CACNB2: variants seen among roughly 807,000 people sequenced by gnomAD.
The protein encoded by CACNB2 is voltage-dependent L-type calcium channel subunit beta-2.
Under a neutral mutation model 73.3 loss-of-function variants are expected in CACNB2, and 42 were observed. The observed-to-expected ratio is 0.57, with a 90% CI of 0.45 to 0.74. The LOEUF (loss-of-function observed/expected upper bound fraction) is 0.74, where lower values mean the gene tolerates loss of function less well. Ranked by LOEUF, CACNB2 falls within the 30% of genes least tolerant of loss-of-function variation. CACNB2 has a pLI of 0.00. For synonymous variants in CACNB2, 348 were observed against 310.3 expected, an observed-to-expected ratio of 1.12 and a Z score of -1.28; for missense variants, 940 against 853.0, an observed-to-expected ratio of 1.10 and a Z score of -1.27.
At chr10:18,271,453 TA>T (rs1234831936) in intron 2 of CACNB2, among the ~76,000 whole-genome samples, 4 of 152,098 alleles carry the variant, frequency 2.6e-5, no homozygotes, top group East Asian at 1.9e-4. Context: ...AAAACATATT[TA>T]AAAACAAAAA....
chr10:18,471,011 G>T (rs2048159945), intron 3 of CACNB2, among the ~76,000 whole-genome samples: 1 of 152,018 alleles, frequency 6.6e-6, no homozygotes, highest in Admixed American at 6.6e-5. Flanking sequence ...TCAAATGAAA[G>T]GTGTTACACA....
At chr10:18,397,202 C>T (rs535791279) in intron 2 of CACNB2, among the ~76,000 whole-genome samples, 3 of 152,166 alleles carry the variant, frequency 2.0e-5, no homozygotes, top group Admixed American at 6.5e-5. Context: ...TGTAGTGGCT[C>T]AAGCCAGTAA....
At chr10:18,353,444 G>A (rs759874210) in intron 2 of CACNB2, among the ~76,000 whole-genome samples, 5 of 151,922 alleles carry the variant, frequency 3.3e-5, no homozygotes, top group East Asian at 1.9e-4. Context: ...TATATGAAAC[G>A]TACGTTTGTA....
intron 6 of CACNB2, among the ~76,000 whole-genome samples, chr10:18,510,384 C>G (rs1277353079): frequency 6.6e-6 from 1 of 152,140 alleles, no homozygotes; most frequent in Non-Finnish European, 1.5e-5. Context: ...CTCACTGAAG[C>G]CTCCATCTCC....
At chr10:18,501,970 G>T (rs1032754945) in intron 5 of CACNB2, among the ~76,000 whole-genome samples, 1 of 152,126 alleles carries the variant, frequency 6.6e-6, no homozygotes, top group Non-Finnish European at 1.5e-5. Flanking sequence ...GCACTCAGAT[G>T]GTGAGATGCA....
At chr10:18,503,448 T>A (rs1589573323) in intron 5 of CACNB2, among the ~76,000 whole-genome samples, 1 of 152,100 alleles carries the variant, frequency 6.6e-6, no homozygotes, top group African/African-American at 2.4e-5. Flanking sequence ...AGTATGAAAC[T>A]AGCTGGGTGT....
At chr10:18,173,707 C>A (rs1178774826) in intron 2 of CACNB2, among the ~76,000 whole-genome samples, 1 of 152,160 alleles carries the variant, frequency 6.6e-6, no homozygotes, top group Non-Finnish European at 1.5e-5. Context: ...TCTACTTCTT[C>A]TAACCTTTTA....
intron 2 of CACNB2, among the ~76,000 whole-genome samples, chr10:18,252,874 G>A (rs529111249): frequency 1.3e-5 from 2 of 152,220 alleles, no homozygotes; most frequent in Non-Finnish European, 2.9e-5. Flanking sequence ...TAGGCAGGTA[G>A]GCAGATGATG....
chr10:18,415,491 A>G (rs1228964916), intron 3 of CACNB2, among the ~76,000 whole-genome samples: 2 of 150,610 alleles, frequency 1.3e-5, no homozygotes, highest in African/African-American at 2.4e-5. Flanking sequence ...CAAAGAAAAG[A>G]AAAAAAAAGC....
chr10:18,396,596 G>A (rs894852983), intron 2 of CACNB2, among the ~76,000 whole-genome samples: 2 of 152,004 alleles, frequency 1.3e-5, no homozygotes, highest in African/African-American at 4.8e-5. Context: ...TCAGCCTCCC[G>A]AGTAGCTGGG....
At position 18,336,484 on chromosome 10, in the gene CACNB2, T is replaced by C. The variant is rs192699202; in HGVS notation, c.214-65440T>C. On this transcript the variant is annotated intron_variant, in intron 2 of 13. Coordinates refer to ENST00000324631, the MANE Select transcript of CACNB2 (RefSeq NM_201596.3). ...AAGTACAAAAATTAGCCAGGTGTAA[T>C]GGCGAGTGCCTGTAATTCCAGCTAC... Among the ~76,000 whole-genome samples, 162 of 152,222 alleles carry C rather than the reference T, an allele frequency of 1.1e-3. 1 individual carries two copies. Among genetic ancestry groups the C allele is most frequent in the African/African-American group, 3.4e-3 (143 of 41,538 alleles).
intron 2 of CACNB2, among the ~76,000 whole-genome samples, chr10:18,199,167 A>C (rs2034760928): frequency 6.6e-6 from 1 of 152,184 alleles, no homozygotes; most frequent in African/African-American, 2.4e-5. Flanking sequence ...TTTGAAAATT[A>C]GTCTAAAGTA....
chr10:18,195,111 A>T (rs866589066), intron 2 of CACNB2, among the ~76,000 whole-genome samples: 1 of 152,212 alleles, frequency 6.6e-6, no homozygotes, highest in African/African-American at 2.4e-5. Context: ...GGAGAGTTTA[A>T]GATGACCTCA....
At chr10:18,502,265 G>C (rs1180649436) in intron 5 of CACNB2, among the ~76,000 whole-genome samples, 1 of 151,582 alleles carries the variant, frequency 6.6e-6, no homozygotes, top group Non-Finnish European at 1.5e-5. Context: ...CCAGATTCGT[G>C]CCACTGCATT....
At position 18,171,521 on chromosome 10, in the gene CACNB2, G is replaced by GAA. The variant is rs370201485; in HGVS notation, c.213+20573_213+20574dup. Among the ~76,000 whole-genome samples, 109 of 32,584 alleles carry GAA rather than the reference G, an allele frequency of 3.3e-3. 11 individuals are homozygous for GAA. Among genetic ancestry groups the GAA allele is most frequent in the African/African-American group, 9.0e-3 (88 of 9,810 alleles). The allele number at this position is 32,584 out of a possible 152,430, so 21.4% of individuals were successfully genotyped here. A position where few individuals can be genotyped will look rare whatever the true frequency, so the allele number is the denominator to read the frequency against. The stretch of plus-strand genomic sequence containing the variant: ...TCCCTTCTTCCCGGCTTTGATAGCA[G>GAA]AAAAAAAAAAAAAAAAAAAAAAAAA... On this transcript the variant is annotated intron_variant, in intron 2 of 13. Coordinates refer to ENST00000324631, the MANE Select transcript of CACNB2 (RefSeq NM_201596.3).
At chr10:18,247,871 A>G (rs1418233060) in intron 2 of CACNB2, among the ~76,000 whole-genome samples, 1 of 152,208 alleles carries the variant, frequency 6.6e-6, no homozygotes, top group Non-Finnish European at 1.5e-5. Flanking sequence ...TGCATATGAC[A>G]TAGAGTACCT....
chr10:18,520,552 C>T (rs1180209911), intron 9 of CACNB2, among the ~76,000 whole-genome samples: 3 of 152,158 alleles, frequency 2.0e-5, no homozygotes, highest in Admixed American at 6.5e-5. Context: ...TGAGCTAGTG[C>T]CCACCACTCC....
intron 3 of CACNB2, among the ~76,000 whole-genome samples, chr10:18,464,623 A>G (rs1015392161): frequency 5.3e-5 from 8 of 152,024 alleles, no homozygotes; most frequent in Non-Finnish European, 1.2e-4. Flanking sequence ...CTAGCCATCA[A>G]TAAGCCCTGT....
chr10:18,497,838 A>C (rs1056599567), intron 3 of CACNB2, among the ~76,000 whole-genome samples: 1 of 152,250 alleles, frequency 6.6e-6, no homozygotes, highest in African/African-American at 2.4e-5. Context: ...CATTGCTTTC[A>C]TAATTCGTTG....
Sources: allele counts gnomAD v4.1 joint callset (sites outside exome capture counted in the v4.1 genomes callset), GRCh38; gene constraint gnomAD v4.1.1; transcripts MANE v1.5; gene names NCBI Gene and HGNC (gene_info 2026-07-23, HGNC 2026-07-21).